Variants in DISC1 observed in about 807,000 individuals in gnomAD.
DISC1 encodes the protein disrupted in schizophrenia 1 protein.
DISC1 carries 57 observed loss-of-function variants against 84.5 expected under a neutral mutation model. That is an observed-to-expected ratio of 0.67 (90% CI 0.55 to 0.84). DISC1 has a LOEUF of 0.84. Ranked by LOEUF, DISC1 falls within the 40% of genes least tolerant of loss-of-function variation. DISC1 has a pLI of 0.00. For synonymous variants in DISC1, 411 were observed against 415.2 expected, an observed-to-expected ratio of 0.99 and a Z score of 0.12; for missense variants, 1,000 against 1,057.8, an observed-to-expected ratio of 0.95 and a Z score of 0.76.
intron 3 of DISC1, among the ~76,000 whole-genome samples, chr1:231,729,714 T>G (rs947799723): frequency 3.3e-5 from 5 of 151,814 alleles, no homozygotes; most frequent in Admixed American, 2.6e-4. Flanking sequence ...CTAGGGTTTT[T>G]TTTTTTTTTT....
intron 3 of DISC1, among the ~76,000 whole-genome samples, chr1:231,724,561 G>T (rs912408866): frequency 6.6e-6 from 1 of 152,182 alleles, no homozygotes; most frequent in African/African-American, 2.4e-5. Context: ...ACAGCCTTGA[G>T]CCTAGCTCTT....
At chr1:231,922,975 C>A (rs1016336276) in intron 9 of DISC1, among the ~76,000 whole-genome samples, 1 of 152,050 alleles carries the variant, frequency 6.6e-6, no homozygotes, top group Admixed American at 6.5e-5. Flanking sequence ...CATACCTATA[C>A]TGATTCAAAA....
intron 10 of DISC1, among the ~76,000 whole-genome samples, chr1:231,960,548 G>T (rs749645829): frequency 6.6e-6 from 1 of 152,118 alleles, no homozygotes; most frequent in Non-Finnish European, 1.5e-5. Context: ...CATCGTGCCC[G>T]GCCACCTCCT....
chr1:231,833,022 G>A (rs2082356549), intron 9 of DISC1, among the ~76,000 whole-genome samples: 1 of 133,676 alleles, frequency 7.5e-6, no homozygotes, highest in African/African-American at 2.8e-5. Context: ...GGTCACCAAG[G>A]AGGGAGTAGA....
At chr1:231,809,379 G>A (rs573148424) in intron 8 of DISC1, among the ~76,000 whole-genome samples, 7 of 151,290 alleles carry the variant, frequency 4.6e-5, no homozygotes, top group South Asian at 2.1e-4. Context: ...GGCCATCTTT[G>A]GTCTCACCTC....
At chr1:231,816,557 G>A (rs1411577938) in intron 8 of DISC1, among the ~76,000 whole-genome samples, 1 of 152,036 alleles carries the variant, frequency 6.6e-6, no homozygotes, top group Non-Finnish European at 1.5e-5. Context: ...TTACATGTAG[G>A]CCTGTGATCC....
At chr1:231,839,824 G>A (rs191394424) in intron 9 of DISC1, among the ~76,000 whole-genome samples, 1 of 152,296 alleles carries the variant, frequency 6.6e-6, no homozygotes, top group Non-Finnish European at 1.5e-5. Flanking sequence ...GTCACATGGC[G>A]AGAGAGGGAG....
At chr1:231,725,661 T>C (rs2070555407) in intron 3 of DISC1, among the ~76,000 whole-genome samples, 1 of 152,240 alleles carries the variant, frequency 6.6e-6, no homozygotes, top group Non-Finnish European at 1.5e-5. Context: ...CACCACCAGG[T>C]CGCCCTTGAA....
intron 1 of DISC1, among the ~76,000 whole-genome samples, chr1:231,674,087 A>G (rs2062897698): frequency 6.6e-6 from 1 of 152,230 alleles, no homozygotes; most frequent in African/African-American, 2.4e-5. Flanking sequence ...TATCTTAAAA[A>G]TAAGGTGATA....
intron 3 of DISC1, among the ~76,000 whole-genome samples, chr1:231,745,920 T>A (rs959898361): frequency 6.6e-6 from 1 of 152,146 alleles, no homozygotes; most frequent in African/African-American, 2.4e-5. Flanking sequence ...TTCACTCTGT[T>A]AGTTCACATG....
In DISC1 at chr1:231,990,492, T is replaced by G. The variant is rs114291210; in HGVS notation, c.2043-18293T>G. On this transcript the variant is annotated intron_variant, in intron 10 of 12. Transcript: ENST00000439617. ...TAGGGCTGCTTGGATAGGAAACATATGTGATTGTTGGCACTGCTCTTCATA... is the reference window on the plus strand; with the variant it reads ...TAGGGCTGCTTGGATAGGAAACATAGGTGATTGTTGGCACTGCTCTTCATA... Among the ~76,000 whole-genome samples the G allele has an allele frequency of 9.9e-3, 1,512 of 152,166 alleles. 19 individuals carry two copies. Among genetic ancestry groups the G allele is most frequent in the Middle Eastern group, 0.017 (5 of 294 alleles).
At chr1:231,834,896 C>T (rs1003742190) in intron 9 of DISC1, among the ~76,000 whole-genome samples, 6 of 152,158 alleles carry the variant, frequency 3.9e-5, no homozygotes, top group Non-Finnish European at 7.3e-5. Context: ...AAACACCAAG[C>T]GAAGACTGTC....
chr1:231,705,715 A>T (rs996070689), intron 3 of DISC1, among the ~76,000 whole-genome samples: 2 of 152,308 alleles, frequency 1.3e-5, no homozygotes, highest in Middle Eastern at 3.4e-3. Context: ...TTTGAATACA[A>T]TTTCTTCTCT....
chr1:231,920,433 C>T (rs982780276), intron 9 of DISC1, among the ~76,000 whole-genome samples: 1 of 152,202 alleles, frequency 6.6e-6, no homozygotes, highest in Non-Finnish European at 1.5e-5. Context: ...CCTCCCCTCT[C>T]CCAGCCCCTG....
At position 231,820,137 on chromosome 1, in the gene DISC1, T is replaced by C. The variant is rs183205089; in HGVS notation, c.1981+1620T>C. ...TTGGATTTTGCTGGATCAGCCACCCTTTCCCTATACATTGATTTACACGTG... is the reference window on the plus strand; with the variant it reads ...TTGGATTTTGCTGGATCAGCCACCCCTTCCCTATACATTGATTTACACGTG... On this transcript the variant is annotated intron_variant, in intron 9 of 12. Coordinates refer to ENST00000439617, the MANE Select transcript of DISC1 (RefSeq NM_018662.3). 5.1e-3 allele frequency among the ~76,000 whole-genome samples: 776 copies of C among 152,350 alleles called. 8 individuals are homozygous for C. The highest frequency in any genetic ancestry group is 0.018 in the African/African-American group (741 of 41,576).
chr1:231,903,399 G>T (rs913162310), intron 9 of DISC1, among the ~76,000 whole-genome samples: 1 of 152,174 alleles, frequency 6.6e-6, no homozygotes. Context: ...TAATCAAAGA[G>T]CCTATAAGAC....
intron 4 of DISC1, among the ~76,000 whole-genome samples, chr1:231,759,503 A>G (rs543574518): frequency 7.2e-6 from 1 of 139,224 alleles, no homozygotes; most frequent in East Asian, 2.2e-4. Context: ...AGCCTGGGCA[A>G]CATAGTGAGA....
chr1:231,900,557 T>C (rs1456694169), intron 9 of DISC1, among the ~76,000 whole-genome samples: 8 of 152,226 alleles, frequency 5.3e-5, no homozygotes, highest in African/African-American at 1.9e-4. Context: ...AAGTGAAGAA[T>C]TATGGGTTTG....
intron 9 of DISC1, among the ~76,000 whole-genome samples, chr1:231,950,771 C>G (rs1047354921): frequency 6.6e-6 from 1 of 152,194 alleles, no homozygotes; most frequent in African/African-American, 2.4e-5. Flanking sequence ...TGGGCTTTAT[C>G]TACTATAAGC....
Sources: gnomAD v4.1 joint callset for allele counts (sites outside exome capture counted in the v4.1 genomes callset) on GRCh38, gnomAD v4.1.1 for gene constraint, MANE v1.5 for transcripts, NCBI Gene and HGNC (gene_info 2026-07-23, HGNC 2026-07-21) for gene names.